The following LRRC4C variants were observed in gnomAD, a reference collection of about 807,000 sequenced individuals.
The protein encoded by LRRC4C is leucine rich repeat containing 4C.
In LRRC4C, 5 loss-of-function variants were observed where a neutral mutation model predicts 33.6. The observed-to-expected ratio is 0.15, with a 90% CI of 0.08 to 0.31. The LOEUF (loss-of-function observed/expected upper bound fraction) is 0.31. Among genes scored for constraint, LRRC4C ranks in the 10% least tolerant of loss-of-function variants. The pLI is 1.00. For missense variants in LRRC4C, 560 were observed against 796.7 expected, an observed-to-expected ratio of 0.70 and a Z score of 3.58; for synonymous variants, 329 against 302.0, an observed-to-expected ratio of 1.09 and a Z score of -0.93.
chr11:40,643,385 G>A (rs1404241843), intron 3 of LRRC4C, among the ~76,000 whole-genome samples: 1 of 152,118 alleles, frequency 6.6e-6, no homozygotes, highest in South Asian at 2.1e-4. Context: ...CTATGACAAG[G>A]TCCCCCCAAT....
At chr11:40,679,241 T>G (rs1020804222) in intron 2 of LRRC4C, among the ~76,000 whole-genome samples, 1 of 152,108 alleles carries the variant, frequency 6.6e-6, no homozygotes, top group Non-Finnish European at 1.5e-5. Context: ...ATTCAAGAGT[T>G]GACTTGGGTG....
intron 2 of LRRC4C, among the ~76,000 whole-genome samples, chr11:40,830,469 T>G (rs1424347657): frequency 1.3e-5 from 2 of 152,104 alleles, no homozygotes; most frequent in Non-Finnish European, 2.9e-5. Flanking sequence ...GCCCTTACAC[T>G]GAACAAAGAG....
chr11:40,693,339 T>G (rs1022938590), intron 2 of LRRC4C, among the ~76,000 whole-genome samples: 1 of 152,166 alleles, frequency 6.6e-6, no homozygotes, highest in Non-Finnish European at 1.5e-5. Flanking sequence ...ATATAATGAT[T>G]AGAATTCCAT....
Position 40,959,165 on chromosome 11 carries a change from C to A in LRRC4C, c.-495-25442G>T, listed in dbSNP as rs545767992. 2.6e-5 allele frequency among the ~76,000 whole-genome samples: 4 copies of A among 151,764 alleles called. No homozygotes were observed. In the South Asian group the frequency reaches 8.3e-4, roughly 32 times the overall value. On this transcript the variant is annotated intron_variant, in intron 1 of 6. Transcript: ENST00000528697. ...GAAGCCTCTCGAGATGACTCTAATGCATAGCCTAGAATTGAAACCCACCAG... is the reference window on the plus strand; with the variant it reads ...GAAGCCTCTCGAGATGACTCTAATGAATAGCCTAGAATTGAAACCCACCAG...
chr11:40,840,955 AGT>A (rs1198539723), intron 2 of LRRC4C, among the ~76,000 whole-genome samples: 1 of 152,208 alleles, frequency 6.6e-6, no homozygotes, highest in Admixed American at 6.5e-5. Flanking sequence ...ATAAACAAAA[AGT>A]CTACAAACAA....
Position 41,079,896 on chromosome 11 carries a change from G to A in LRRC4C, c.-495-146173C>T, listed in dbSNP as rs146702938. Among the ~76,000 whole-genome samples the A allele has an allele frequency of 4.7e-3, 712 of 152,232 alleles. 6 individuals carry two copies. Among genetic ancestry groups the A allele is most frequent in the African/African-American group, 0.016 (667 of 41,532 alleles). On this transcript the variant is annotated intron_variant, in intron 1 of 6. Coordinates refer to ENST00000528697, the MANE Select transcript of LRRC4C (RefSeq NM_001258419.2). ...GGAAGCCAAGGGATTGGATATCCCT[G>A]CTTTAGAGATACCAAGGAGGTCATT...
chr11:40,475,008 T>C (rs111652088), intron 3 of LRRC4C, among the ~76,000 whole-genome samples: 4,549 of 152,032 alleles, frequency 0.03, 230 homozygotes, highest in African/African-American at 0.1. Context: ...TTGGTGGGAG[T>C]GTAAATTAGT....
chr11:40,555,981 A>C (rs2135475182), intron 3 of LRRC4C, among the ~76,000 whole-genome samples: 1 of 152,236 alleles, frequency 6.6e-6, no homozygotes, highest in African/African-American at 2.4e-5. Flanking sequence ...AGGATAATAA[A>C]ATTCTCATTT....
chr11:40,566,245 A>C (rs1957764567), intron 3 of LRRC4C, among the ~76,000 whole-genome samples: 1 of 151,768 alleles, frequency 6.6e-6, no homozygotes, highest in Non-Finnish European at 1.5e-5. Flanking sequence ...CTCATTATTT[A>C]AGTAATCCTT....
chr11:40,161,818 A>G (rs1859181962), intron 5 of LRRC4C, among the ~76,000 whole-genome samples: 1 of 152,194 alleles, frequency 6.6e-6, no homozygotes, highest in South Asian at 2.1e-4. Flanking sequence ...AGGAAAGTGT[A>G]TAAATCTGTG....
rs552697111 is a variant in LRRC4C at position 40,337,659 on chromosome 11, G to A, written c.-269-17938C>T. ...GTTTACTCTTCTCCCAGAAGCGCTTGGGTTTGACACCATCATTCTTTCCAA... is the reference window on the plus strand; with the variant it reads ...GTTTACTCTTCTCCCAGAAGCGCTTAGGTTTGACACCATCATTCTTTCCAA... On this transcript the variant is annotated intron_variant, in intron 3 of 6. Coordinates refer to ENST00000528697, the MANE Select transcript of LRRC4C (RefSeq NM_001258419.2). Among the ~76,000 whole-genome samples, 6 of 152,284 alleles carry A rather than the reference G, an allele frequency of 3.9e-5. No homozygotes were observed. The East Asian group carries it at 1.2e-3, about 29-fold the overall frequency.
intron 1 of LRRC4C, among the ~76,000 whole-genome samples, chr11:41,341,512 T>A (rs1235380818): frequency 6.6e-6 from 1 of 152,080 alleles, no homozygotes; most frequent in Non-Finnish European, 1.5e-5. Context: ...TGCCTGCTTT[T>A]CCCCCCATTA....
At chr11:40,564,545 C>G (rs1957678680) in intron 3 of LRRC4C, among the ~76,000 whole-genome samples, 1 of 152,082 alleles carries the variant, frequency 6.6e-6, no homozygotes, top group African/African-American at 2.4e-5. Flanking sequence ...TTCTGATAGC[C>G]AGGGGAGTGA....
intron 5 of LRRC4C, among the ~76,000 whole-genome samples, chr11:40,158,076 T>G (rs189303932): frequency 1.1e-3 from 164 of 152,236 alleles, no homozygotes; most frequent in African/African-American, 3.8e-3. Flanking sequence ...GGGAATACTA[T>G]GCAGCCATAA....
intron 3 of LRRC4C, among the ~76,000 whole-genome samples, chr11:40,554,592 A>G (rs1957256954): frequency 6.6e-6 from 1 of 152,104 alleles, no homozygotes; most frequent in African/African-American, 2.4e-5. Flanking sequence ...CCAATCCATG[A>G]GCATGAAATG....
intron 2 of LRRC4C, among the ~76,000 whole-genome samples, chr11:40,730,949 G>T (rs989078919): frequency 6.6e-6 from 1 of 152,186 alleles, no homozygotes; most frequent in Non-Finnish European, 1.5e-5. Context: ...GGAGGTGTTT[G>T]TCTCAAGGGG....
intron 5 of LRRC4C, among the ~76,000 whole-genome samples, chr11:40,213,167 A>T (rs1863728858): frequency 6.6e-6 from 1 of 152,194 alleles, no homozygotes. Flanking sequence ...TGTCTCAAGT[A>T]CTACAATAAT....
At chr11:41,384,141 G>A (rs1953263209) in intron 1 of LRRC4C, among the ~76,000 whole-genome samples, 1 of 151,846 alleles carries the variant, frequency 6.6e-6, no homozygotes, top group African/African-American at 2.4e-5. Flanking sequence ...AACCTATTTT[G>A]CAATAGATTC....
At chr11:40,126,751 G>A (rs529999038) in intron 6 of LRRC4C, among the ~76,000 whole-genome samples, 4 of 151,690 alleles carry the variant, frequency 2.6e-5, no homozygotes, top group Admixed American at 6.6e-5. Context: ...ACCTGAGGTG[G>A]GGAGTTCAAG....
Sources: allele counts gnomAD v4.1 joint callset (sites outside exome capture counted in the v4.1 genomes callset), GRCh38; gene constraint gnomAD v4.1.1; transcripts MANE v1.5; gene names NCBI Gene and HGNC (gene_info 2026-07-23, HGNC 2026-07-21).